The following LRRD1 variants were observed in gnomAD, a reference collection of about 807,000 sequenced individuals.
LRRD1 encodes the protein leucine-rich repeat and death domain-containing protein 1.
LRRD1 carries 49 observed loss-of-function variants against 69.5 expected under a neutral mutation model. The ratio of observed to expected loss-of-function variants is 0.70; its 90% CI spans 0.56 to 0.89. The LOEUF is 0.89. LRRD1 is among the 40% of genes least tolerant of loss of function. LRRD1 has a pLI of 0.00. For synonymous variants in LRRD1, 303 were observed against 338.9 expected (o/e 0.89, Z 1.16); for missense variants, 853 against 956.0 (o/e 0.89, Z 1.42).
chr7:92,167,643 C>A (rs1432703193), intron 1 of LRRD1, among the ~76,000 whole-genome samples: 1 of 151,284 alleles, frequency 6.6e-6, no homozygotes, highest in Non-Finnish European at 1.5e-5. Context: ...TTTGGGAGGC[C>A]GAGGCAGGCT....
In LRRD1 at chr7:92,150,640, C is replaced by T; in HGVS notation, c.2172G>A (p.Glu724=). ...GCAAAGGGTTGTCATCAAAATTTAT[C>T]TCCTTCAGTGAAAAAATATTGTAGA... ...SAIYNIFSLK[E]INFDDNPLLR... Residue 724 remains glutamate, a synonymous_variant, in exon 4 of 6, where the codon GAG becomes GAA. Coordinates refer to ENST00000458448, the MANE Select transcript of LRRD1 (RefSeq NM_001161528.2). The T allele has an allele frequency of 6.4e-7, 1 of 1,550,818 alleles. No individual in the cohort carries two copies. Among genetic ancestry groups the T allele is most frequent in the East Asian group, 2.4e-5 (1 of 40,900 alleles).
At chr7:92,149,017 G>A (rs1820401413) in intron 4 of LRRD1, among the ~76,000 whole-genome samples, 1 of 150,478 alleles carries the variant, frequency 6.6e-6, no homozygotes, top group Non-Finnish European at 1.5e-5. Flanking sequence ...AAAGTGCCGG[G>A]ATTACAGGTG....
intron 1 of LRRD1, among the ~76,000 whole-genome samples, chr7:92,165,861 CAAAAAA>C (rs750215030): frequency 4.8e-5 from 2 of 41,712 alleles, no homozygotes; most frequent in Admixed American, 5.2e-4. Context: ...AACTCCATCT[CAAAAAA>C]AAAAAAAAAA....
At chr7:92,177,423 T>C (rs1040976728) in intron 1 of LRRD1, among the ~76,000 whole-genome samples, 1 of 152,230 alleles carries the variant, frequency 6.6e-6, no homozygotes, top group Non-Finnish European at 1.5e-5. Flanking sequence ...ATTTTCTTCT[T>C]CTTCTTGAGA....
At chr7:92,169,346 T>A (rs1788997374) in intron 1 of LRRD1, among the ~76,000 whole-genome samples, 1 of 151,058 alleles carries the variant, frequency 6.6e-6, no homozygotes, top group Admixed American at 6.6e-5. Flanking sequence ...ATTTAAAAAA[T>A]CAAACAGAAA....
intron 1 of LRRD1, among the ~76,000 whole-genome samples, chr7:92,168,660 GAAA>G (rs61001338): frequency 4.1e-5 from 4 of 96,986 alleles, no homozygotes; most frequent in Admixed American, 1.1e-4. Context: ...ACTGAGTGGA[GAAA>G]AAAAAAAAAA....
At chr7:92,148,131 G>A (rs1435246030) in intron 4 of LRRD1, among the ~76,000 whole-genome samples, 1 of 152,038 alleles carries the variant, frequency 6.6e-6, no homozygotes, top group Non-Finnish European at 1.5e-5. Context: ...AGTAGAGATG[G>A]GTTTTTGGCA....
Position 92,163,465 on chromosome 7 carries a change from T to G in LRRD1, c.1738A>C (p.Asn580His). 6.5e-7 allele frequency: 1 copy of G among 1,541,866 alleles called. No individual in the cohort carries two copies. ...TCCGAAAGATCAAGTACTTGCAAATTTTCTAAAGTACACAATTCTCTAGGG... is the reference window on the plus strand; with the variant it reads ...TCCGAAAGATCAAGTACTTGCAAATGTTCTAAAGTACACAATTCTCTAGGG... ...TFPRELCTLE[N>H]LQVLDLSENQ... Residue 580 changes from asparagine (N) to histidine (H), a missense_variant, in exon 2 of 6, where the codon AAT (asparagine) becomes CAT (histidine). Coordinates refer to ENST00000458448, the MANE Select transcript of LRRD1 (RefSeq NM_001161528.2).
chr7:92,167,876 C>CAAAAAAAAAAAAAAAAAAAAAAAAA (rs542619786), intron 1 of LRRD1, among the ~76,000 whole-genome samples: 3 of 46,196 alleles, frequency 6.5e-5, no homozygotes, highest in African/African-American at 2.8e-4. Flanking sequence ...GACTCTGTCT[C>CAAAAAAAAAAAAAAAAAAAAAAAAA]AAAAAAAAAA....
chr7:92,168,660 GAA>G (rs61001338), intron 1 of LRRD1, among the ~76,000 whole-genome samples: 18 of 96,980 alleles, frequency 1.9e-4, no homozygotes, highest in African/African-American at 3.9e-4. Context: ...ACTGAGTGGA[GAA>G]AAAAAAAAAA....
chr7:92,160,334 G>T (rs1374870497), intron 2 of LRRD1, among the ~76,000 whole-genome samples: 2 of 152,104 alleles, frequency 1.3e-5, no homozygotes, highest in Admixed American at 6.5e-5. Flanking sequence ...ACTTCACGGA[G>T]ATTAAATTTT....
chr7:92,160,642 G>A (rs1004981844), intron 2 of LRRD1, among the ~76,000 whole-genome samples: 6 of 152,028 alleles, frequency 3.9e-5, no homozygotes, highest in African/African-American at 9.7e-5. Flanking sequence ...GTGAAACCCC[G>A]TCTCTACTGA....
At chr7:92,162,855 T>C (rs1788818931) in intron 2 of LRRD1, among the ~76,000 whole-genome samples, 1 of 152,106 alleles carries the variant, frequency 6.6e-6, no homozygotes, top group South Asian at 2.1e-4. Context: ...TATAAAACCA[T>C]ATGCATAACG....
chr7:92,155,950 G>T (rs984391481), intron 3 of LRRD1, among the ~76,000 whole-genome samples: 7 of 152,222 alleles, frequency 4.6e-5, no homozygotes, highest in Non-Finnish European at 7.3e-5. Flanking sequence ...CTTTATTCTA[G>T]CCAAGGTGGC....
chr7:92,149,789 G>A (rs1193197366), intron 4 of LRRD1: 1 of 303,628 alleles, frequency 3.3e-6, no homozygotes, highest in Non-Finnish European at 7.1e-6. Flanking sequence ...CTGAGCTCAA[G>A]TGATTGTCCT....
intron 2 of LRRD1, 47 bp downstream of exon 2, chr7:92,163,239 T>C (rs777571847): frequency 7.4e-5 from 89 of 1,209,446 alleles, no homozygotes; most frequent in Non-Finnish European, 5.1e-5. Flanking sequence ...ATTCTGATCC[T>C]CTCCAGTCTC....
In LRRD1 at chr7:92,164,991, G is replaced by A; in HGVS notation, c.212C>T (p.Ser71Phe). 6.4e-7 allele frequency: 1 copy of A among 1,551,156 alleles called. No individual in the cohort carries two copies. The highest frequency in any genetic ancestry group is 8.7e-7 in the Non-Finnish European group (1 of 1,146,742). ...TTCATTTCTCTTAGACTTCCTTCCAGAGGAAGATGTTGACTCTAATGTATT... is the reference window on the plus strand; with the variant it reads ...TTCATTTCTCTTAGACTTCCTTCCAAAGGAAGATGTTGACTCTAATGTATT... Reference protein sequence around the residue: ...RQNTLESTSSSGRKSKRNEEQ... With the variant: ...RQNTLESTSSFGRKSKRNEEQ... The change falls in exon 2 of 6, where the codon TCT becomes TTT. Residue 71 changes from serine (S) to phenylalanine (F), a missense_variant. Ser to Phe is a radical substitution (Grantham distance 155, BLOSUM62 -2). Around this residue, in one of 3 missense-constraint regions of LRRD1, gnomAD observed 99 missense variants for 107.0 expected, o/e 0.92. Coordinates refer to ENST00000458448, the MANE Select transcript of LRRD1 (RefSeq NM_001161528.2).
chr7:92,151,963 A>C (rs1046581137), intron 3 of LRRD1, among the ~76,000 whole-genome samples: 1 of 151,146 alleles, frequency 6.6e-6, no homozygotes, highest in Non-Finnish European at 1.5e-5. Context: ...AAAAAAAAAA[A>C]AGAAGTAAAA....
intron 3 of LRRD1, among the ~76,000 whole-genome samples, chr7:92,155,459 A>G (rs546981281): frequency 1.3e-5 from 2 of 152,170 alleles, no homozygotes; most frequent in Non-Finnish European, 2.9e-5. Context: ...GAGTAAAACC[A>G]TGGAAGTGAA....
Sources: allele counts gnomAD v4.1 joint callset (sites outside exome capture counted in the v4.1 genomes callset), GRCh38; gene constraint gnomAD v4.1.1; regional missense constraint gnomAD v4.1.1; transcripts MANE v1.5; gene names NCBI Gene and HGNC (gene_info 2026-07-23, HGNC 2026-07-21).